The following CLEC4A variants were observed in gnomAD, a reference collection of about 807,000 sequenced individuals.
CLEC4A encodes C-type lectin domain family 4 member A, also known as C-type (calcium dependent, carbohydrate-recognition domain) lectin, superfamily member 6.
A neutral mutation model predicts 32.7 loss-of-function variants in CLEC4A; 27 were observed. The observed-to-expected ratio is 0.83, with a 90% CI of 0.61 to 1.14. CLEC4A has a LOEUF of 1.14. Ranked by LOEUF, CLEC4A falls within the 50% of genes most tolerant of loss-of-function variation. CLEC4A has a pLI of 0.00. For missense variants in CLEC4A, 253 were observed against 274.6 expected, an observed-to-expected ratio of 0.92 and a Z score of 0.55; for synonymous variants, 89 against 93.7, an observed-to-expected ratio of 0.95 and a Z score of 0.29.
At chr12:8,118,746 C>G (rs4242877), upstream of CLEC4A, among the ~76,000 whole-genome samples, 132,717 of 152,252 alleles carry the variant, frequency 0.87, 60,053 homozygotes, top group Non-Finnish European at 0.99. Flanking sequence ...ATTTGGTGGG[C>G]ACACAGATCC....
At chr12:8,113,194 C>T in the CLEC4A span, among the ~76,000 whole-genome samples, 5 of 147,182 alleles carry the variant, frequency 3.4e-5, no homozygotes, top group African/African-American at 1.3e-4. Context: ...TCAATTCCCA[C>T]CTGTGAGTGA....
chr12:8,130,024 T>C lies in CLEC4A; in HGVS notation c.298+662T>C, dbSNP rs140534469. On this transcript the variant is annotated intron_variant, in intron 3 of 5. Coordinates refer to ENST00000229332, the MANE Select transcript of CLEC4A (RefSeq NM_016184.4). ...CTAATTTTTGTATTTTTTGTAGAGA[T>C]GGAGTTTCACCATGTTGCCCAGGCT... 7.6e-3 allele frequency among the ~76,000 whole-genome samples: 1,164 copies of C among 152,198 alleles called. 17 individuals are homozygous for C. The highest frequency in any genetic ancestry group is 0.026 in the African/African-American group (1,087 of 41,554).
upstream of CLEC4A, among the ~76,000 whole-genome samples, chr12:8,122,162 A>T (rs1947836756): frequency 6.6e-6 from 1 of 151,670 alleles, no homozygotes; most frequent in Admixed American, 6.6e-5. Flanking sequence ...AGCAGGATGA[A>T]GAAAGCTTCT....
chr12:8,105,769 T>C, the CLEC4A span, among the ~76,000 whole-genome samples: 1 of 152,234 alleles, frequency 6.6e-6, no homozygotes, highest in Admixed American at 6.5e-5. Context: ...ATTTGCTGTT[T>C]ATAGATTCTG....
upstream of CLEC4A, among the ~76,000 whole-genome samples, chr12:8,118,915 C>T (rs748844913): frequency 6.6e-6 from 1 of 152,346 alleles, no homozygotes; most frequent in Admixed American, 6.5e-5. Context: ...GCCCATCTGC[C>T]TTCTGCCATG....
chr12:8,131,933 A>G (rs1456053747), intron 3 of CLEC4A, among the ~76,000 whole-genome samples: 2 of 151,678 alleles, frequency 1.3e-5, no homozygotes, highest in African/African-American at 4.9e-5. Flanking sequence ...ACATAGACCA[A>G]CCCATCACCC....
At chr12:8,135,086 G>A (rs1370154418) in intron 3 of CLEC4A, among the ~76,000 whole-genome samples, 1 of 59,750 alleles carries the variant, frequency 1.7e-5, no homozygotes, top group Non-Finnish European at 3.2e-5. Context: ...GGTTCTCGCT[G>A]TGTTGCCCAG....
chr12:8,129,320 C>CAT lies in CLEC4A; in HGVS notation c.258_259dup (p.Thr87IlefsTer7), dbSNP rs767411038. On this transcript the variant is annotated frameshift_variant, in exon 3 of 6. Transcript: ENST00000229332. LOFTEE classifies it high-confidence loss of function. ...AAAAAAGACTACAAAAGAGCTGGTT[C>CAT]ATACAACATTGGAGTGTGTGAAAAA... 3.7e-6 allele frequency: 6 copies of CAT among 1,606,862 alleles called. No individual in the cohort carries two copies. Among genetic ancestry groups the CAT allele is most frequent in the Non-Finnish European group, 4.2e-6 (5 of 1,177,446 alleles).
intron 3 of CLEC4A, chr12:8,134,032 G>C (rs1591610814): frequency 6.9e-6 from 11 of 1,601,458 alleles, no homozygotes; most frequent in African/African-American, 5.3e-5. Flanking sequence ...ACCACACTCG[G>C]ACCACATCCT....
rs774305756 is a variant in CLEC4A at position 8,136,888 on chromosome 12, A to G, written c.551A>G (p.Tyr184Cys). Residue 184 changes from tyrosine (Y) to cysteine (C), a missense_variant, in exon 5 of 6, where the codon TAC becomes TGC. Transcript: ENST00000229332. The part of the protein sequence containing the change: ...RHWQWVDQTP[Y>C]NESSTFWHPR... ...TGGCAATGGGTTGATCAGACACCAT[A>G]CAATGAAAGTTCCACGTGAGTATAG... 11 of 1,610,950 alleles carry G rather than the reference A, an allele frequency of 6.8e-6. No individual in the cohort carries two copies. The highest frequency in any genetic ancestry group is 9.3e-6 in the Non-Finnish European group (11 of 1,177,162).
chr12:8,103,875 C>T, the CLEC4A span, among the ~76,000 whole-genome samples: 1 of 152,018 alleles, frequency 6.6e-6, no homozygotes, highest in Non-Finnish European at 1.5e-5. Flanking sequence ...TTTGAGGGGG[C>T]AAGGGGTGGG....
chr12:8,138,213 A>G lies in CLEC4A; in HGVS notation c.640A>G (p.Arg214Gly). 1 of 1,614,220 alleles carries G rather than the reference A, an allele frequency of 6.2e-7. No homozygotes were observed. Among genetic ancestry groups the G allele is most frequent in the Non-Finnish European group, 8.5e-7 (1 of 1,180,038 alleles). The change falls in exon 6 of 6, where the codon AGA becomes GGA. Residue 214 changes from arginine to glycine, a missense_variant. Coordinates refer to ENST00000229332, the MANE Select transcript of CLEC4A (RefSeq NM_016184.4). ...GCTAAATTTTCGTAAATCACCCAAAAGATGGGGCTGGAATGATGTTAATTG... is the reference window on the plus strand; with the variant it reads ...GCTAAATTTTCGTAAATCACCCAAAGGATGGGGCTGGAATGATGTTAATTG... ...VVLNFRKSPK[R>G]WGWNDVNCLG...
At chr12:8,107,823 G>A in the CLEC4A span, among the ~76,000 whole-genome samples, 5 of 123,034 alleles carry the variant, frequency 4.1e-5, no homozygotes, top group African/African-American at 1.5e-4. Context: ...AATCTTTGTT[G>A]TTTTAAAAAA....
At chr12:8,113,221 G>GT in the CLEC4A span, among the ~76,000 whole-genome samples, 1 of 149,798 alleles carries the variant, frequency 6.7e-6, no homozygotes, top group Non-Finnish European at 1.5e-5. Context: ...GCGGTGTTTG[G>GT]TTTTTTGTCC....
At chr12:8,123,099 T>C (rs1174207976), upstream of CLEC4A, among the ~76,000 whole-genome samples, 1 of 152,158 alleles carries the variant, frequency 6.6e-6, no homozygotes, top group Non-Finnish European at 1.5e-5. Flanking sequence ...GTCATATATA[T>C]TGGAGGTGAT....
At chr12:8,137,324 G>C (rs1048894385) in intron 5 of CLEC4A, among the ~76,000 whole-genome samples, 1 of 152,022 alleles carries the variant, frequency 6.6e-6, no homozygotes, top group African/African-American at 2.4e-5. Context: ...TGTCAACCAG[G>C]CTGGAGTGCA....
upstream of CLEC4A, among the ~76,000 whole-genome samples, chr12:8,123,242 C>G (rs191405279): frequency 4.1e-3 from 629 of 152,216 alleles, 2 homozygotes; most frequent in Non-Finnish European, 5.4e-3. Context: ...TAGTTACCAA[C>G]AAGGAAACAC....
chr12:8,134,644 A>G, intron 3 of CLEC4A: 3 of 1,605,972 alleles, frequency 1.9e-6, no homozygotes, highest in Non-Finnish European at 2.5e-6. Flanking sequence ...ATCCCCCCGC[A>G]GAACTCATAC....
rs745624340 is a variant in CLEC4A, at chr12:8,123,867, T to A, written c.-12T>A. 1 of 1,587,286 alleles carries A rather than the reference T, an allele frequency of 6.3e-7. No homozygotes were observed. Among genetic ancestry groups the A allele is most frequent in the Admixed American group, 1.7e-5 (1 of 59,916 alleles). On this transcript the variant is annotated 5_prime_UTR_variant, in exon 1 of 6. Coordinates refer to ENST00000229332, the MANE Select transcript of CLEC4A (RefSeq NM_016184.4). ...CAGATTTTCTGAAGAAAGCAGAAGC[T>A]CTCTTCCCATTATGACTTCGGAAAT...
Sources: allele counts gnomAD v4.1 joint callset (sites outside exome capture counted in the v4.1 genomes callset), GRCh38; gene constraint gnomAD v4.1.1; transcripts MANE v1.5; gene names NCBI Gene and HGNC (gene_info 2026-07-23, HGNC 2026-07-21).